The following DLG2 variants were observed in gnomAD, a reference collection of about 807,000 sequenced individuals.
DLG2 encodes the protein discs large MAGUK scaffold protein 2.
A neutral mutation model predicts 132.5 loss-of-function variants in DLG2; 45 were observed. That is an observed-to-expected ratio of 0.34 (90% CI 0.27 to 0.44). The LOEUF (loss-of-function observed/expected upper bound fraction) is 0.44. Ranked by LOEUF, DLG2 falls within the 20% of genes least tolerant of loss-of-function variation. The pLI, the probability that DLG2 is intolerant of heterozygous loss-of-function variation, is 1.00. For missense variants in DLG2, 1,045 were observed against 1,196.9 expected, an observed-to-expected ratio of 0.87 and a Z score of 1.87; for synonymous variants, 424 against 419.6, an observed-to-expected ratio of 1.01 and a Z score of -0.13.
At chr11:83,527,047 T>A (rs893437469) in intron 21 of DLG2, among the ~76,000 whole-genome samples, 2 of 152,188 alleles carry the variant, frequency 1.3e-5, no homozygotes, top group Non-Finnish European at 2.9e-5. Flanking sequence ...AATAAATGAA[T>A]GAAGTCATTC....
chr11:84,221,335 G>A (rs988545889), intron 8 of DLG2, among the ~76,000 whole-genome samples: 1 of 151,856 alleles, frequency 6.6e-6, no homozygotes, highest in Non-Finnish European at 1.5e-5. Flanking sequence ...ATGGTGGCAC[G>A]CGCCTGTAGT....
chr11:85,027,365 G>A (rs2060625514), intron 6 of DLG2, among the ~76,000 whole-genome samples: 1 of 152,104 alleles, frequency 6.6e-6, no homozygotes, highest in South Asian at 2.1e-4. Context: ...CTATCCAGAA[G>A]CAGGGGCTAT....
chr11:83,917,569 C>T (rs192629231), intron 15 of DLG2, among the ~76,000 whole-genome samples: 1 of 152,300 alleles, frequency 6.6e-6, no homozygotes, highest in Admixed American at 6.5e-5. Flanking sequence ...CCAGGGGAAA[C>T]TATGTGCATC....
At chr11:84,879,274 C>G (rs1478149323) in intron 6 of DLG2, among the ~76,000 whole-genome samples, 1 of 152,068 alleles carries the variant, frequency 6.6e-6, no homozygotes, top group African/African-American at 2.4e-5. Flanking sequence ...ATTTCTGGTT[C>G]AATTAGACTC....
chr11:84,642,017 TATAC>T (rs1471292770), intron 6 of DLG2, among the ~76,000 whole-genome samples: 3 of 140,714 alleles, frequency 2.1e-5, no homozygotes, highest in Admixed American at 1.4e-4. Flanking sequence ...TATATATATA[TATAC>T]ACACACACAC....
intron 6 of DLG2, among the ~76,000 whole-genome samples, chr11:84,595,680 G>T (rs1046454602): frequency 6.6e-6 from 1 of 152,014 alleles, no homozygotes; most frequent in Non-Finnish European, 1.5e-5. Context: ...CATTTCTTCC[G>T]GAAGTTGTTT....
chr11:85,011,878 A>G (rs1314453842), intron 6 of DLG2, among the ~76,000 whole-genome samples: 1 of 152,210 alleles, frequency 6.6e-6, no homozygotes, highest in Non-Finnish European at 1.5e-5. Flanking sequence ...TGTATTACCA[A>G]TAGTATAATT....
intron 6 of DLG2, among the ~76,000 whole-genome samples, chr11:84,917,591 G>A (rs2092547111): frequency 1.3e-5 from 2 of 152,142 alleles, no homozygotes; most frequent in African/African-American, 2.4e-5. Context: ...TCATTGGGAA[G>A]CATTTTGAGA....
rs1310302267 is a variant in DLG2 at position 83,919,222 on chromosome 11, T to C, written c.1496+11106A>G. Among the ~76,000 whole-genome samples the C allele has an allele frequency of 2.0e-5, 3 of 152,306 alleles. No individual in the cohort carries two copies. In the East Asian group the frequency reaches 5.8e-4, roughly 29 times the overall value. On this transcript the variant is annotated intron_variant, in intron 15 of 27. Transcript: ENST00000376104. ...GAGGCTCTGTTTTATATTTCACAGC[T>C]GCTTTCCTCATGTCCAGTGTAGCTT...
chr11:84,641,831 G>A (rs76349770), intron 6 of DLG2, among the ~76,000 whole-genome samples: 2,465 of 151,792 alleles, frequency 0.016, 40 homozygotes, highest in Middle Eastern at 0.031. Flanking sequence ...AATTCTATAC[G>A]AGTTTGTTGA....
intron 6 of DLG2, among the ~76,000 whole-genome samples, chr11:84,607,468 G>C (rs1227201784): frequency 6.6e-6 from 1 of 152,152 alleles, no homozygotes; most frequent in Admixed American, 6.6e-5. Flanking sequence ...ATTTTTGGGG[G>C]GGCAGGGAGA....
chr11:83,938,115 C>T (rs1462803139), intron 14 of DLG2, among the ~76,000 whole-genome samples: 1 of 152,210 alleles, frequency 6.6e-6, no homozygotes, highest in Non-Finnish European at 1.5e-5. Context: ...GACACATTCA[C>T]ATGACGGTTT....
chr11:83,787,319 T>TC (rs2040240262), intron 17 of DLG2, among the ~76,000 whole-genome samples: 1 of 92,378 alleles, frequency 1.1e-5, no homozygotes, highest in Non-Finnish European at 2.1e-5. Context: ...CTTGTTTTTT[T>TC]TTTGTTTTTT....
chr11:85,294,199 A>T (rs182916779), intron 3 of DLG2, among the ~76,000 whole-genome samples: 1 of 152,252 alleles, frequency 6.6e-6, no homozygotes, highest in East Asian at 1.9e-4. Flanking sequence ...AAATGTAAAC[A>T]ATTGGTGAAT....
intron 3 of DLG2, among the ~76,000 whole-genome samples, chr11:85,472,323 G>A (rs774395315): frequency 2.0e-5 from 3 of 152,020 alleles, no homozygotes; most frequent in Non-Finnish European, 4.4e-5. Context: ...TTGTTTTTGA[G>A]ACAGAGTCTC....
chr11:85,476,410 A>G (rs954878213), intron 3 of DLG2, among the ~76,000 whole-genome samples: 1 of 152,130 alleles, frequency 6.6e-6, no homozygotes, highest in Admixed American at 6.5e-5. Flanking sequence ...CTGTACACTT[A>G]CGCTACATTA....
chr11:84,435,717 C>T (rs991605427), intron 7 of DLG2, among the ~76,000 whole-genome samples: 1 of 152,118 alleles, frequency 6.6e-6, no homozygotes, highest in Non-Finnish European at 1.5e-5. Flanking sequence ...AGATTGAAAG[C>T]CCCTTACTAG....
At chr11:85,320,312 T>A (rs564557910) in intron 3 of DLG2, among the ~76,000 whole-genome samples, 1 of 152,016 alleles carries the variant, frequency 6.6e-6, no homozygotes, top group South Asian at 2.1e-4. Context: ...ATTAAGCAGC[T>A]TGTCTAAATT....
chr11:85,029,065 T>G (rs1182418902), intron 6 of DLG2, among the ~76,000 whole-genome samples: 1 of 152,180 alleles, frequency 6.6e-6, no homozygotes, highest in Non-Finnish European at 1.5e-5. Context: ...GCTTTCAAAA[T>G]TCTTGGGGTG....
Sources: allele counts gnomAD v4.1 joint callset (sites outside exome capture counted in the v4.1 genomes callset), GRCh38; gene constraint gnomAD v4.1.1; transcripts MANE v1.5; gene names NCBI Gene and HGNC (gene_info 2026-07-23, HGNC 2026-07-21).